KIAA1217: variants seen among roughly 807,000 people sequenced by gnomAD.
KIAA1217 encodes sickle tail protein homolog.
In KIAA1217, 88 loss-of-function variants were observed where a neutral mutation model predicts 163.9. That is an observed-to-expected ratio of 0.54 (90% confidence interval 0.45 to 0.64). KIAA1217 has a LOEUF of 0.64. Among genes scored for constraint, KIAA1217 ranks in the 30% least tolerant of loss-of-function variants. The pLI is 0.00. For synonymous variants in KIAA1217, 903 were observed against 923.1 expected, an observed-to-expected ratio of 0.98 and a Z score of 0.39; for missense variants, 2,372 against 2,475.0, an observed-to-expected ratio of 0.96 and a Z score of 0.88.
chr10:23,971,025 C>A (rs1409154759), intron 1 of KIAA1217, among the ~76,000 whole-genome samples: 2 of 152,174 alleles, frequency 1.3e-5, no homozygotes, highest in Non-Finnish European at 2.9e-5. Flanking sequence ...CAAGCGGGCG[C>A]TTGAGAGATC....
intron 16 of KIAA1217, among the ~76,000 whole-genome samples, chr10:24,536,314 A>G (rs984251425): frequency 1.3e-5 from 2 of 152,248 alleles, no homozygotes; most frequent in Admixed American, 6.5e-5. Context: ...AAGGATTGCT[A>G]AGAGTACTTT....
At chr10:24,390,475 G>GGGAA (rs71397945) in intron 3 of KIAA1217, among the ~76,000 whole-genome samples, 10,874 of 105,642 alleles carry the variant, frequency 0.1, 730 homozygotes, top group Non-Finnish European at 0.12. Context: ...GAGGGAGGGA[G>GGGAA]GGAAGGAAGG....
chr10:23,793,241 C>T (rs1276666095), intron 1 of KIAA1217, among the ~76,000 whole-genome samples: 1 of 152,156 alleles, frequency 6.6e-6, no homozygotes, highest in Non-Finnish European at 1.5e-5. Flanking sequence ...ACAAGGAGAA[C>T]TTCACAAGTG....
intron 9 of KIAA1217, among the ~76,000 whole-genome samples, chr10:24,512,732 G>C (rs11014130): frequency 6.6e-6 from 1 of 152,050 alleles, no homozygotes; most frequent in African/African-American, 2.4e-5. Flanking sequence ...TGATACTGAC[G>C]TATTTCATAG....
chr10:24,189,171 T>C (rs755909324), intron 2 of KIAA1217, among the ~76,000 whole-genome samples: 1 of 151,268 alleles, frequency 6.6e-6, no homozygotes. Flanking sequence ...GGGATGATGA[T>C]AGTACCAGCC....
intron 1 of KIAA1217, among the ~76,000 whole-genome samples, chr10:23,930,160 T>C (rs1405336539): frequency 2.0e-5 from 3 of 152,176 alleles, no homozygotes; most frequent in Non-Finnish European, 2.9e-5. Context: ...ATTTTTTTCA[T>C]ATCTTTCTCG....
chr10:23,746,448 G>T (rs1839423286), intron 1 of KIAA1217, among the ~76,000 whole-genome samples: 1 of 152,026 alleles, frequency 6.6e-6, no homozygotes, highest in Non-Finnish European at 1.5e-5. Flanking sequence ...TTTCGAGACA[G>T]AGTCTTGCTC....
chr10:24,177,258 C>CATACAT (rs1554894658), intron 2 of KIAA1217, among the ~76,000 whole-genome samples: 2 of 25,144 alleles, frequency 8.0e-5, no homozygotes, highest in African/African-American at 3.6e-4. Context: ...CTCTCACCAT[C>CATACAT]ATATATATAT....
At chr10:23,791,324 T>C (rs1370462176) in intron 1 of KIAA1217, among the ~76,000 whole-genome samples, 1 of 152,154 alleles carries the variant, frequency 6.6e-6, no homozygotes, top group Admixed American at 6.5e-5. Flanking sequence ...ACCTCAACAA[T>C]TAACAATATA....
At chr10:24,370,264 C>CAAAAAAAAAAAAAA (rs5783891) in intron 2 of KIAA1217, among the ~76,000 whole-genome samples, 2 of 73,430 alleles carry the variant, frequency 2.7e-5, no homozygotes, top group East Asian at 4.8e-4. Flanking sequence ...GACTCTGTCT[C>CAAAAAAAAAAAAAA]AAAAAAAAAA....
chr10:24,513,132 C>G, intron 9 of KIAA1217, 127 bp from the exon 10 acceptor site: 1 of 844,566 alleles, frequency 1.2e-6, no homozygotes, highest in Non-Finnish European at 1.9e-6. Flanking sequence ...TTTCCTTTCT[C>G]ATTGAAATAA....
At chr10:24,244,015 C>A (rs1427515417) in intron 2 of KIAA1217, among the ~76,000 whole-genome samples, 1 of 152,170 alleles carries the variant, frequency 6.6e-6, no homozygotes, top group Non-Finnish European at 1.5e-5. Flanking sequence ...AGTCTCCTGC[C>A]TGGATTCGGA....
intron 1 of KIAA1217, among the ~76,000 whole-genome samples, chr10:23,981,029 C>T (rs1845747233): frequency 6.6e-6 from 1 of 152,058 alleles, no homozygotes; most frequent in African/African-American, 2.4e-5. Context: ...AATTGTTCAC[C>T]GTTGCTTAAA....
At chr10:24,069,031 C>T (rs1399447049) in intron 2 of KIAA1217, among the ~76,000 whole-genome samples, 1 of 152,144 alleles carries the variant, frequency 6.6e-6, no homozygotes, top group Non-Finnish European at 1.5e-5. Flanking sequence ...ACATTTGACA[C>T]ACAATCCAAC....
At chr10:24,484,241 ATTTT>A (rs59233394) in intron 6 of KIAA1217, among the ~76,000 whole-genome samples, 96 of 75,146 alleles carry the variant, frequency 1.3e-3, no homozygotes, top group African/African-American at 4.5e-3. Flanking sequence ...ATATATATAT[ATTTT>A]TTTTTTTTTT....
intron 1 of KIAA1217, among the ~76,000 whole-genome samples, chr10:23,866,520 G>C (rs931838162): frequency 1.3e-5 from 2 of 152,174 alleles, no homozygotes; most frequent in Non-Finnish European, 2.9e-5. Context: ...AGATGGTCAA[G>C]AGGATGTATT....
intron 2 of KIAA1217, among the ~76,000 whole-genome samples, chr10:24,014,033 A>G (rs1377707185): frequency 2.0e-5 from 3 of 152,120 alleles, no homozygotes; most frequent in Non-Finnish European, 4.4e-5. Flanking sequence ...CATTTGTTAT[A>G]CTTTCTTGAC....
chr10:23,703,685 A>G (rs758863131), intron 1 of KIAA1217, among the ~76,000 whole-genome samples: 3 of 152,080 alleles, frequency 2.0e-5, no homozygotes, highest in Non-Finnish European at 2.9e-5. Flanking sequence ...GCTAACAATG[A>G]TGTAAAAGAA....
intron 5 of KIAA1217, among the ~76,000 whole-genome samples, chr10:24,443,567 A>G (rs917423163): frequency 6.6e-6 from 1 of 151,900 alleles, no homozygotes; most frequent in African/African-American, 2.4e-5. Context: ...ATGAAAAAAA[A>G]GTGGGGGAGG....
Sources: gnomAD v4.1 joint callset for allele counts (sites outside exome capture counted in the v4.1 genomes callset) on GRCh38, gnomAD v4.1.1 for gene constraint, MANE v1.5 for transcripts, NCBI Gene and HGNC (gene_info 2026-07-23, HGNC 2026-07-21) for gene names.